PTPN14: variants seen among roughly 807,000 people sequenced by gnomAD.
The protein encoded by PTPN14 is tyrosine-protein phosphatase non-receptor type 14.
A neutral mutation model predicts 126.8 loss-of-function variants in PTPN14; 53 were observed. The observed-to-expected ratio is 0.42, with a 90% CI of 0.34 to 0.53. The LOEUF is 0.53. Among genes scored for constraint, PTPN14 ranks in the 20% least tolerant of loss-of-function variants. PTPN14 has a pLI of 0.08. For synonymous variants in PTPN14, 630 were observed against 599.3 expected (o/e 1.05, Z -0.75); for missense variants, 1,257 against 1,552.9 (o/e 0.81, Z 3.20).
chr1:214,489,470 G>T (rs1448577892), intron 1 of PTPN14, among the ~76,000 whole-genome samples: 1 of 152,142 alleles, frequency 6.6e-6, no homozygotes, highest in African/African-American at 2.4e-5. Flanking sequence ...CTTCTGAGAG[G>T]CCACACTTCC....
chr1:214,461,015 T>G (rs1660498935), intron 2 of PTPN14, among the ~76,000 whole-genome samples: 1 of 151,438 alleles, frequency 6.6e-6, no homozygotes, highest in African/African-American at 2.4e-5. Flanking sequence ...ACTCAGGGGG[T>G]GATGTTGACA....
At position 214,464,482 on chromosome 1, in the gene PTPN14, T is replaced by C. The variant is rs1572016549; in HGVS notation, c.174+148A>G. ...GATAAGATCACAGCCGTGCTAAGAA[T>C]AACAGGATTCTTATAAACACATCGT... On this transcript the variant is annotated intron_variant, in intron 2 of 18. Coordinates refer to ENST00000366956, the MANE Select transcript of PTPN14 (RefSeq NM_005401.5). The C allele has an allele frequency of 5.6e-6, 6 of 1,080,696 alleles. No individual in the cohort carries two copies. In the East Asian group the frequency reaches 1.6e-4, roughly 28 times the overall value. The allele number at this position is 1,080,696 out of a possible 1,614,324, so 66.9% of individuals were successfully genotyped here.
At chr1:214,461,780 C>G (rs1211185186) in intron 2 of PTPN14, among the ~76,000 whole-genome samples, 1 of 152,214 alleles carries the variant, frequency 6.6e-6, no homozygotes, top group African/African-American at 2.4e-5. Context: ...TGCACTCCAT[C>G]TTGTGCAATA....
At chr1:214,450,534 T>C (rs1474527965) in intron 3 of PTPN14, among the ~76,000 whole-genome samples, 1 of 150,578 alleles carries the variant, frequency 6.6e-6, no homozygotes, top group Non-Finnish European at 1.5e-5. Flanking sequence ...TGCCTTAAAA[T>C]ACACTTAAAA....
chr1:214,395,332 T>C (rs931113030), intron 8 of PTPN14, among the ~76,000 whole-genome samples: 1 of 152,130 alleles, frequency 6.6e-6, no homozygotes, highest in Non-Finnish European at 1.5e-5. Flanking sequence ...TTTTTAATGA[T>C]GGAGGAGCAC....
intron 1 of PTPN14, among the ~76,000 whole-genome samples, chr1:214,537,023 A>C (rs1655725388): frequency 6.6e-6 from 1 of 152,232 alleles, no homozygotes; most frequent in Non-Finnish European, 1.5e-5. Flanking sequence ...CTTGCTATGA[A>C]ATATACCCAC....
chr1:214,385,995 A>AT (rs1658599821), intron 12 of PTPN14, among the ~76,000 whole-genome samples: 1 of 152,226 alleles, frequency 6.6e-6, no homozygotes, highest in South Asian at 2.1e-4. Flanking sequence ...CCAGGAGTTG[A>AT]TAACGTAGAA....
intron 1 of PTPN14, among the ~76,000 whole-genome samples, chr1:214,503,206 A>T (rs767632729): frequency 6.6e-6 from 1 of 152,256 alleles, no homozygotes; most frequent in Non-Finnish European, 1.5e-5. Flanking sequence ...AGTATTTATT[A>T]TGAAAGGCAC....
At chr1:214,386,697 C>T (rs1426206009) in intron 12 of PTPN14, 147 bp downstream of exon 12, 1 of 903,326 alleles carries the variant, frequency 1.1e-6, no homozygotes, top group Non-Finnish European at 1.7e-6. Flanking sequence ...AGGCCTTCCA[C>T]AAACTGAAGC....
At chr1:214,481,835 A>T (rs1660995167) in intron 1 of PTPN14, among the ~76,000 whole-genome samples, 1 of 151,848 alleles carries the variant, frequency 6.6e-6, no homozygotes, top group Non-Finnish European at 1.5e-5. Flanking sequence ...AATACAAAAA[A>T]AATTAGCTGG....
At chr1:214,415,157 T>A (rs140753952) in intron 3 of PTPN14, among the ~76,000 whole-genome samples, 2 of 152,330 alleles carry the variant, frequency 1.3e-5, no homozygotes, top group Non-Finnish European at 2.9e-5. Flanking sequence ...GTAAGGCAGA[T>A]CACAAACAGG....
At chr1:214,421,230 T>C (rs1355192138) in intron 3 of PTPN14, among the ~76,000 whole-genome samples, 1 of 152,250 alleles carries the variant, frequency 6.6e-6, no homozygotes, top group African/African-American at 2.4e-5. Context: ...AAAAGAATGA[T>C]ATATTGATAC....
At chr1:214,445,436 T>G (rs1660121590) in intron 3 of PTPN14, among the ~76,000 whole-genome samples, 1 of 152,068 alleles carries the variant, frequency 6.6e-6, no homozygotes, top group South Asian at 2.1e-4. Context: ...GCTACTAAGA[T>G]GTCCTGGAAA....
intron 3 of PTPN14, among the ~76,000 whole-genome samples, chr1:214,432,816 G>A (rs1297417798): frequency 1.3e-5 from 2 of 152,090 alleles, no homozygotes. Context: ...ACACTGAGAG[G>A]GAGCACAATG....
At chr1:214,456,733 C>T (rs1039052801) in intron 2 of PTPN14, among the ~76,000 whole-genome samples, 1 of 152,088 alleles carries the variant, frequency 6.6e-6, no homozygotes, top group African/African-American at 2.4e-5. Context: ...GCGAATAGTT[C>T]ACCCACAATC....
In PTPN14 at chr1:214,383,741, A is replaced by T. The variant is rs1658531062; in HGVS notation, c.2114T>A (p.Ile705Asn). The T allele has an allele frequency of 2.5e-6, 4 of 1,613,494 alleles. No homozygotes were observed. Among genetic ancestry groups the T allele is most frequent in the Non-Finnish European group, 3.4e-6 (4 of 1,179,998 alleles). The part of the protein sequence containing the change: ...KKTFSDATML[I>N]HSSESEEEEE... Reference sequence around the variant, plus strand: ...CTCCTCCTCACTCTCGCTGCTGTGGATTAGCATAGTGGCATCAGAGAAGGT... The same window carrying T: ...CTCCTCCTCACTCTCGCTGCTGTGGTTTAGCATAGTGGCATCAGAGAAGGT... The change falls in exon 13 of 19, where the codon ATC (isoleucine) becomes AAC (asparagine). Residue 705 changes from isoleucine to asparagine, a missense_variant. Ile to Asn is a moderately radical substitution (Grantham distance 149). Coordinates refer to ENST00000366956, the MANE Select transcript of PTPN14 (RefSeq NM_005401.5). The surrounding 1 kb of genome is among the most constrained non-coding windows in gnomAD (Gnocchi z 4.4).
In PTPN14 at chr1:214,384,587, G is replaced by T; in HGVS notation, c.1268C>A (p.Ala423Asp). 1 of 1,614,132 alleles carries T rather than the reference G, an allele frequency of 6.2e-7. No homozygotes were observed. Among genetic ancestry groups the T allele is most frequent in the African/African-American group, 1.3e-5 (1 of 75,018 alleles). The stretch of plus-strand genomic sequence containing the variant: ...GTGCCGGTGGCTCGGGATGTAGTCG[G>T]CCCGCATGATGTCACTCCCAGGGAT... ...LSIPGSDIMRADYIPSHRHSA... is the reference protein window; with the variant it reads ...LSIPGSDIMRDDYIPSHRHSA... Residue 423 changes from alanine to aspartate, a missense_variant, in exon 13 of 19, where the codon GCC (alanine) becomes GAC (aspartate). This residue lies in a region of PTPN14 where 1,021 missense variants were observed against 1,183.3 expected (regional missense o/e 0.86). Coordinates refer to ENST00000366956, the MANE Select transcript of PTPN14 (RefSeq NM_005401.5). The surrounding 1 kb of genome is among the most constrained non-coding windows in gnomAD (Gnocchi z 5.3).
Position 214,363,332 on chromosome 1 carries a change from T to C in PTPN14, c.3435+1180A>G, listed in dbSNP as rs115643310. 7.1e-3 allele frequency among the ~76,000 whole-genome samples: 1,086 copies of C among 152,350 alleles called. 17 individuals are homozygous for C. The highest frequency in any genetic ancestry group is 0.025 in the African/African-American group (1,046 of 41,574). On this transcript the variant is annotated intron_variant, in intron 18 of 18. Transcript: ENST00000366956. ...GAGAGTTTAATGTCTAAGCTTAGCA[T>C]TCGTTGTTTTCCTGGATGATTCAAT... is the stretch of plus-strand genomic sequence containing the variant.
chr1:214,542,187 A>T (rs1655855534), intron 1 of PTPN14, among the ~76,000 whole-genome samples: 1 of 152,226 alleles, frequency 6.6e-6, no homozygotes, highest in Non-Finnish European at 1.5e-5. Context: ...TATAGTATGC[A>T]TGTATATATG....
Sources: gnomAD v4.1 joint callset for allele counts (sites outside exome capture counted in the v4.1 genomes callset) on GRCh38, gnomAD v4.1.1 for gene constraint, gnomAD v4.1.1 regional missense constraint, Gnocchi (gnomAD v3.1) non-coding constraint, MANE v1.5 for transcripts, NCBI Gene and HGNC (gene_info 2026-07-23, HGNC 2026-07-21) for gene names.